GPC5: variants seen among roughly 807,000 people sequenced by gnomAD.
GPC5 encodes the protein glypican 5, also known as glypican-5.
A neutral mutation model predicts 53.9 loss-of-function variants in GPC5; 47 were observed. The observed-to-expected ratio is 0.87, with a 90% CI of 0.69 to 1.11. The LOEUF (loss-of-function observed/expected upper bound fraction) is 1.11, where lower values mean the gene tolerates loss of function less well. Among genes scored for constraint, GPC5 ranks in the 50% most tolerant of loss-of-function variants. GPC5 has a pLI of 0.00. For synonymous variants in GPC5, 286 were observed against 263.3 expected, an observed-to-expected ratio of 1.09 and a Z score of -0.84; for missense variants, 748 against 713.1, an observed-to-expected ratio of 1.05 and a Z score of -0.56.
chr13:92,521,864 T>C (rs889910972), intron 7 of GPC5, among the ~76,000 whole-genome samples: 3 of 152,182 alleles, frequency 2.0e-5, no homozygotes, highest in African/African-American at 7.2e-5. Flanking sequence ...GAGAAAATTT[T>C]TGCAATCTAC....
intron 2 of GPC5, among the ~76,000 whole-genome samples, chr13:91,588,117 G>A (rs1192681635): frequency 2.0e-5 from 3 of 152,136 alleles, no homozygotes; most frequent in Admixed American, 2.0e-4. Flanking sequence ...CAGCACTGGT[G>A]TACTCTTCTT....
Position 92,838,274 on chromosome 13 carries a change from G to A in GPC5, c.1562-28008G>A, listed in dbSNP as rs544456154. 1.4e-4 allele frequency among the ~76,000 whole-genome samples: 21 copies of A among 151,814 alleles called. No homozygotes were observed. In the South Asian group the frequency reaches 4.4e-3, roughly 32 times the overall value. ...CCGCGGAGGGCGGATCACGAGGTCA[G>A]GAGATCGAAACCATCCTGGCTAACA... On this transcript the variant is annotated intron_variant, in intron 7 of 7. Coordinates refer to ENST00000377067, the MANE Select transcript of GPC5 (RefSeq NM_004466.6).
chr13:92,248,656 C>T (rs2042670236), intron 7 of GPC5, among the ~76,000 whole-genome samples: 1 of 152,054 alleles, frequency 6.6e-6, no homozygotes, highest in African/African-American at 2.4e-5. Flanking sequence ...CTCCATTCAC[C>T]AAACCATAAT....
intron 2 of GPC5, among the ~76,000 whole-genome samples, chr13:91,582,122 G>C (rs1566526410): frequency 6.6e-6 from 1 of 152,144 alleles, no homozygotes; most frequent in Non-Finnish European, 1.5e-5. Flanking sequence ...CAGGGCTGCA[G>C]TGGGGGAATA....
chr13:91,983,990 T>C (rs1430199710), intron 6 of GPC5, among the ~76,000 whole-genome samples: 1 of 152,216 alleles, frequency 6.6e-6, no homozygotes, highest in Admixed American at 6.5e-5. Flanking sequence ...ACTCACTGCT[T>C]GGATGAGCGT....
intron 1 of GPC5, among the ~76,000 whole-genome samples, chr13:91,399,699 C>T (rs1876779116): frequency 6.6e-6 from 1 of 152,156 alleles, no homozygotes; most frequent in African/African-American, 2.4e-5. Flanking sequence ...CAAGGGCAGC[C>T]GGTCTCCTCT....
At chr13:91,410,510 TA>T (rs1275592058) in intron 1 of GPC5, among the ~76,000 whole-genome samples, 1 of 107,696 alleles carries the variant, frequency 9.3e-6, no homozygotes, top group Non-Finnish European at 2.3e-5. Context: ...CACACCTGGC[TA>T]ATTTTTTTGT....
intron 2 of GPC5, among the ~76,000 whole-genome samples, chr13:91,588,437 C>T (rs78342468): frequency 3.0e-3 from 462 of 152,138 alleles, no homozygotes; most frequent in Non-Finnish European, 4.8e-3. Flanking sequence ...CCTCATTTTG[C>T]ATTGCTGAGT....
chr13:92,079,728 C>CTG (rs2041280545), intron 6 of GPC5, among the ~76,000 whole-genome samples: 1 of 152,206 alleles, frequency 6.6e-6, no homozygotes, highest in South Asian at 2.1e-4. Flanking sequence ...CAGTGTATAA[C>CTG]ATTTAATTAA....
chr13:91,890,017 T>C (rs1389033427), intron 5 of GPC5, among the ~76,000 whole-genome samples: 2 of 152,184 alleles, frequency 1.3e-5, no homozygotes, highest in African/African-American at 2.4e-5. Context: ...TAGTCAACTA[T>C]GTGTGCATTC....
chr13:91,479,648 C>T (rs1883197261), intron 2 of GPC5, among the ~76,000 whole-genome samples: 1 of 152,014 alleles, frequency 6.6e-6, no homozygotes, highest in African/African-American at 2.4e-5. Context: ...TTTTTGGCTT[C>T]TTGGTAGGAA....
At chr13:92,065,193 A>T (rs1307554489) in intron 6 of GPC5, among the ~76,000 whole-genome samples, 1 of 152,196 alleles carries the variant, frequency 6.6e-6, no homozygotes, top group Non-Finnish European at 1.5e-5. Context: ...CCAAATAGTT[A>T]TGAGTCTATC....
At chr13:92,744,085 A>G (rs1288662331) in intron 7 of GPC5, among the ~76,000 whole-genome samples, 1 of 152,120 alleles carries the variant, frequency 6.6e-6, no homozygotes, top group Admixed American at 6.6e-5. Flanking sequence ...AAACCCAGGA[A>G]AGAGATTAGG....
chr13:92,795,902 A>C (rs1257419198), intron 7 of GPC5, among the ~76,000 whole-genome samples: 2 of 152,140 alleles, frequency 1.3e-5, no homozygotes, highest in Admixed American at 6.6e-5. Flanking sequence ...GAACACTTTT[A>C]CACTGTTGGT....
chr13:92,422,987 A>G (rs1437339301), intron 7 of GPC5, among the ~76,000 whole-genome samples: 1 of 152,220 alleles, frequency 6.6e-6, no homozygotes, highest in South Asian at 2.1e-4. Flanking sequence ...TATAAACAAC[A>G]GCAATTTATT....
In GPC5 at chr13:91,827,119, G is replaced by A. The variant is rs1336228723; in HGVS notation, c.1280+70699G>A. On this transcript the variant is annotated intron_variant, in intron 5 of 7. Transcript: ENST00000377067. ...AAATAAATGATAAATGCTTGTGGTGGAAGATATCCCAATTACCCTGATGTG... is the reference window on the plus strand; with the variant it reads ...AAATAAATGATAAATGCTTGTGGTGAAAGATATCCCAATTACCCTGATGTG... Among the ~76,000 whole-genome samples, 3 of 151,834 alleles carry A rather than the reference G, an allele frequency of 2.0e-5. No individual in the cohort carries two copies. In the East Asian group the frequency reaches 5.8e-4, roughly 29 times the overall value.
chr13:91,759,531 C>T (rs2037366344), intron 5 of GPC5, among the ~76,000 whole-genome samples: 1 of 152,102 alleles, frequency 6.6e-6, no homozygotes, highest in East Asian at 1.9e-4. Context: ...TCCCACTACT[C>T]TACCCAGCCT....
intron 6 of GPC5, among the ~76,000 whole-genome samples, chr13:91,950,439 A>G (rs2040016902): frequency 6.7e-6 from 1 of 150,034 alleles, no homozygotes; most frequent in African/African-American, 2.4e-5. Flanking sequence ...AGCATCCCAC[A>G]AATCCACAGG....
chr13:91,721,117 CTTTCTTTCTTTCTTTCTTTCTTTT>C (rs1204367693), intron 3 of GPC5, among the ~76,000 whole-genome samples: 3 of 80,516 alleles, frequency 3.7e-5, no homozygotes, highest in Non-Finnish European at 8.3e-5. Context: ...TTCTTTCTTT[CTTTCTTTCTTTCTTTCTTTCTTTT>C]TTTGGGTGGG....
Sources: gnomAD v4.1 joint callset for allele counts (sites outside exome capture counted in the v4.1 genomes callset) on GRCh38, gnomAD v4.1.1 for gene constraint, MANE v1.5 for transcripts, NCBI Gene and HGNC (gene_info 2026-07-23, HGNC 2026-07-21) for gene names.